The following UNC13B variants were observed in gnomAD, a reference collection of about 807,000 sequenced individuals.
UNC13B encodes the protein unc-13 homolog B, also known as protein unc-13 homolog B.
In UNC13B, 144 loss-of-function variants were observed where a neutral mutation model predicts 211.0. The ratio of observed to expected loss-of-function variants is 0.68; its 90% CI spans 0.60 to 0.78. The LOEUF (loss-of-function observed/expected upper bound fraction) is 0.78, where lower values mean the gene tolerates loss of function less well. Ranked by LOEUF, UNC13B falls within the 30% of genes least tolerant of loss-of-function variation. UNC13B has a pLI of 0.00. For synonymous variants in UNC13B, 709 were observed against 725.8 expected (o/e 0.98, Z 0.37); for missense variants, 1,777 against 2,002.0 (o/e 0.89, Z 2.14).
rs1318443024 is a variant in UNC13B, at chr9:35,192,075, T to C, written c.22+29770T>C. ...GCCAAAAGCCTGACTGGTAAGAAAATTTTACCCTTTTGCCCACATGTCAGG... is the reference window on the plus strand; with the variant it reads ...GCCAAAAGCCTGACTGGTAAGAAAACTTTACCCTTTTGCCCACATGTCAGG... On this transcript the variant is annotated intron_variant, in intron 1 of 39. Coordinates refer to ENST00000635942, the MANE Select transcript of UNC13B (RefSeq NM_001371189.2). Among the ~76,000 whole-genome samples, 3 of 152,138 alleles carry C rather than the reference T, an allele frequency of 2.0e-5. No homozygotes were observed. The East Asian group carries it at 5.8e-4, about 29-fold the overall frequency.
intron 1 of UNC13B, among the ~76,000 whole-genome samples, chr9:35,216,453 G>A (rs1824249218): frequency 1.3e-5 from 2 of 152,164 alleles, no homozygotes; most frequent in African/African-American, 2.4e-5. Context: ...CTCATATAAC[G>A]TAAGTGTTGG....
intron 10 of UNC13B, among the ~76,000 whole-genome samples, chr9:35,311,819 A>G (rs1037052021): frequency 7.9e-5 from 12 of 152,284 alleles, no homozygotes; most frequent in East Asian, 3.9e-4. Flanking sequence ...GTGTCTGCCA[A>G]TTGGTATCCA....
intron 11 of UNC13B, among the ~76,000 whole-genome samples, chr9:35,318,314 T>C (rs906649296): frequency 6.6e-6 from 1 of 152,172 alleles, no homozygotes; most frequent in African/African-American, 2.4e-5. Context: ...GTACTTAAGA[T>C]GAGATTTAGT....
At chr9:35,178,388 T>G (rs903598878) in intron 1 of UNC13B, among the ~76,000 whole-genome samples, 1 of 151,932 alleles carries the variant, frequency 6.6e-6, no homozygotes, top group Non-Finnish European at 1.5e-5. Flanking sequence ...TCCCTAATAC[T>G]TGGGAGGCTG....
chr9:35,165,887 T>G (rs1045665759), intron 1 of UNC13B, among the ~76,000 whole-genome samples: 1 of 152,188 alleles, frequency 6.6e-6, no homozygotes, highest in Non-Finnish European at 1.5e-5. Context: ...CATGAACAAC[T>G]GCAGTAAACT....
intron 11 of UNC13B, among the ~76,000 whole-genome samples, chr9:35,334,524 AGTGCATGTAG>A (rs1254595956): frequency 6.6e-6 from 1 of 152,228 alleles, no homozygotes; most frequent in Non-Finnish European, 1.5e-5. Flanking sequence ...TAATATCCCT[AGTGCATGTAG>A]GTAGAAAAAC....
chr9:35,385,158 C>T (rs950154510), intron 22 of UNC13B: 5 of 985,316 alleles, frequency 5.1e-6, no homozygotes, highest in African/African-American at 3.5e-5. Context: ...TCCTAAGACT[C>T]GTGCCAAAGT....
At chr9:35,338,852 T>C (rs1179370907) in intron 11 of UNC13B, among the ~76,000 whole-genome samples, 2 of 152,228 alleles carry the variant, frequency 1.3e-5, no homozygotes, top group Admixed American at 1.3e-4. Flanking sequence ...TCTTTGCTTC[T>C]AGACCAGTTG....
At chr9:35,250,185 T>C (rs1221047460) in intron 6 of UNC13B, among the ~76,000 whole-genome samples, 1 of 152,238 alleles carries the variant, frequency 6.6e-6, no homozygotes, top group African/African-American at 2.4e-5. Context: ...ATAATTTATA[T>C]ATACCATACA....
intron 6 of UNC13B, among the ~76,000 whole-genome samples, chr9:35,258,484 T>G (rs1035834274): frequency 2.6e-5 from 4 of 152,186 alleles, no homozygotes; most frequent in African/African-American, 9.6e-5. Context: ...GGAGAGGAAC[T>G]CTTATAAATA....
intron 6 of UNC13B, among the ~76,000 whole-genome samples, chr9:35,245,262 G>A (rs1826023450): frequency 6.6e-6 from 1 of 151,138 alleles, no homozygotes; most frequent in African/African-American, 2.4e-5. Context: ...TACAAAAATT[G>A]TGGAATTTTA....
intron 1 of UNC13B, among the ~76,000 whole-genome samples, chr9:35,225,902 A>G (rs1476900408): frequency 6.6e-6 from 1 of 152,042 alleles, no homozygotes; most frequent in African/African-American, 2.4e-5. Flanking sequence ...AGGAGTTGAC[A>G]GTGGTGGCAG....
intron 1 of UNC13B, among the ~76,000 whole-genome samples, chr9:35,207,842 A>T (rs978802517): frequency 3.3e-5 from 5 of 152,130 alleles, no homozygotes; most frequent in African/African-American, 9.7e-5. Flanking sequence ...AAAGTGCAAA[A>T]GTTTTAATTT....
intron 11 of UNC13B, among the ~76,000 whole-genome samples, chr9:35,320,485 C>T (rs532224556): frequency 6.6e-6 from 1 of 152,276 alleles, no homozygotes; most frequent in South Asian, 2.1e-4. Flanking sequence ...TGGATTTTCA[C>T]TTATCTGCTA....
chr9:35,399,737 C>A lies in UNC13B; in HGVS notation c.12336+8C>A. On this transcript the variant is annotated splice_region_variant and intron_variant, in intron 36 of 39. Transcript: ENST00000635942. ...GCCCTGGACACCATCAAGGTGGAGG[C>A]CCCCCCTTTTTCAGACAGTCTTAAC... is the stretch of plus-strand genomic sequence containing the variant. 2 of 1,613,472 alleles carry A rather than the reference C, an allele frequency of 1.2e-6. No homozygotes were observed. Among genetic ancestry groups the A allele is most frequent in the South Asian group, 2.2e-5 (2 of 91,042 alleles).
At chr9:35,356,462 C>T (rs1833029462) in intron 11 of UNC13B, among the ~76,000 whole-genome samples, 1 of 152,006 alleles carries the variant, frequency 6.6e-6, no homozygotes. Flanking sequence ...TCCTGTCACT[C>T]CACCAAAATA....
intron 27 of UNC13B, 74 bp from the exon 28 acceptor site, chr9:35,396,767 T>G: frequency 6.2e-7 from 1 of 1,604,176 alleles, no homozygotes; most frequent in Non-Finnish European, 8.5e-7. Context: ...AGGACCCCAG[T>G]CTGGTGGAGC....
At chr9:35,195,101 T>A (rs1031304229) in intron 1 of UNC13B, among the ~76,000 whole-genome samples, 1 of 152,142 alleles carries the variant, frequency 6.6e-6, no homozygotes, top group African/African-American at 2.4e-5. Context: ...CAAATGGAAC[T>A]TTCCCCTTGG....
chr9:35,351,621 T>C (rs897549357), intron 11 of UNC13B: 1 of 1,232,202 alleles, frequency 8.1e-7, no homozygotes, highest in Non-Finnish European at 1.0e-6. Flanking sequence ...GCAGAGACCA[T>C]GTGTGGCACC....
Sources: allele counts gnomAD v4.1 joint callset (sites outside exome capture counted in the v4.1 genomes callset), GRCh38; gene constraint gnomAD v4.1.1; transcripts MANE v1.5; gene names NCBI Gene and HGNC (gene_info 2026-07-23, HGNC 2026-07-21).